The following CYRIA variants were observed in gnomAD, a reference collection of about 807,000 sequenced individuals.
The protein encoded by CYRIA is CYFIP-related Rac1 interactor A.
CYRIA carries 15 observed loss-of-function variants against 43.9 expected under a neutral mutation model. That is an observed-to-expected ratio of 0.34 (90% CI 0.23 to 0.53). The LOEUF (loss-of-function observed/expected upper bound fraction) is 0.53. Ranked by LOEUF, CYRIA falls within the 20% of genes least tolerant of loss-of-function variation. The pLI is 0.94. For missense variants in CYRIA, 236 were observed against 394.2 expected, an observed-to-expected ratio of 0.60 and a Z score of 3.40; for synonymous variants, 117 against 136.0, an observed-to-expected ratio of 0.86 and a Z score of 0.97.
chr2:16,605,306 A>G (rs1430337738), intron 2 of CYRIA, among the ~76,000 whole-genome samples: 1 of 152,238 alleles, frequency 6.6e-6, no homozygotes, highest in Non-Finnish European at 1.5e-5. Flanking sequence ...GCAAAATTAG[A>G]TTCTTTTTTA....
At chr2:16,614,896 T>C (rs1668727936) in intron 2 of CYRIA, among the ~76,000 whole-genome samples, 1 of 152,184 alleles carries the variant, frequency 6.6e-6, no homozygotes, top group South Asian at 2.1e-4. Context: ...TGCAGAGTAG[T>C]GCCTTTAGAT....
In CYRIA at chr2:16,550,959, C is replaced by T. The variant is rs1283601150; in HGVS notation, c.*1977G>A. The T allele has an allele frequency of 6.6e-6, 1 of 152,128 alleles. No individual in the cohort carries two copies. Among genetic ancestry groups the T allele is most frequent in the African/African-American group, 2.4e-5 (1 of 41,442 alleles). The allele number at this position is 152,128 out of a possible 1,614,324, so 9.4% of individuals were successfully genotyped here. ...CCTAACTTTCCTCACCTGGTATGATCACATATTCTGGCTTCCTCTAAGGTT... is the reference window on the plus strand; with the variant it reads ...CCTAACTTTCCTCACCTGGTATGATTACATATTCTGGCTTCCTCTAAGGTT... On this transcript the variant is annotated 3_prime_UTR_variant, in exon 12 of 12. Coordinates refer to ENST00000381323, the MANE Select transcript of CYRIA (RefSeq NM_030797.4).
At chr2:16,592,743 G>A (rs954200069) in intron 2 of CYRIA, among the ~76,000 whole-genome samples, 2 of 151,854 alleles carry the variant, frequency 1.3e-5, no homozygotes, top group African/African-American at 4.8e-5. Flanking sequence ...AGAAAACAGA[G>A]GTTTCTCTTT....
chr2:16,587,139 GTT>G (rs1449244360), intron 3 of CYRIA, among the ~76,000 whole-genome samples: 1 of 152,026 alleles, frequency 6.6e-6, no homozygotes, highest in Non-Finnish European at 1.5e-5. Flanking sequence ...TCCTGAAGTG[GTT>G]TGTATAATCA....
chr2:16,627,234 C>G (rs556383786), intron 1 of CYRIA, among the ~76,000 whole-genome samples: 1 of 151,878 alleles, frequency 6.6e-6, no homozygotes, highest in Non-Finnish European at 1.5e-5. Flanking sequence ...TACGGGAGGC[C>G]GAAAGGGCCC....
At chr2:16,568,861 C>G (rs1416335554) in intron 3 of CYRIA, among the ~76,000 whole-genome samples, 1 of 152,096 alleles carries the variant, frequency 6.6e-6, no homozygotes, top group East Asian at 1.9e-4. Context: ...TAGCAAATCA[C>G]CGCTTGATAA....
intron 2 of CYRIA, among the ~76,000 whole-genome samples, chr2:16,612,547 T>C (rs542379434): frequency 6.6e-6 from 1 of 152,232 alleles, no homozygotes; most frequent in South Asian, 2.1e-4. Flanking sequence ...GATGCACAAA[T>C]TAACTTCTAA....
At chr2:16,618,209 G>A (rs1463951429) in intron 2 of CYRIA, among the ~76,000 whole-genome samples, 2 of 152,190 alleles carry the variant, frequency 1.3e-5, no homozygotes, top group African/African-American at 4.8e-5. Context: ...CTCAGTGCAG[G>A]AGCAGGGGCA....
intron 2 of CYRIA, among the ~76,000 whole-genome samples, chr2:16,588,390 C>T (rs13386393): frequency 8.6e-5 from 13 of 150,714 alleles, no homozygotes; most frequent in African/African-American, 2.2e-4. Context: ...CAATCTCTCT[C>T]GAGAGAATAC....
At chr2:16,665,089 G>A (rs1670355045) in intron 1 of CYRIA, among the ~76,000 whole-genome samples, 1 of 152,228 alleles carries the variant, frequency 6.6e-6, no homozygotes. Flanking sequence ...TTTTGACAGA[G>A]AATGTCTCCT....
chr2:16,660,461 C>T (rs1158805330), intron 1 of CYRIA, among the ~76,000 whole-genome samples: 6 of 152,172 alleles, frequency 3.9e-5, no homozygotes, highest in Non-Finnish European at 7.3e-5. Flanking sequence ...CTTCCCTCTT[C>T]CCTCAGCACA....
chr2:16,571,691 A>G (rs934574326), intron 3 of CYRIA, among the ~76,000 whole-genome samples: 1 of 152,220 alleles, frequency 6.6e-6, no homozygotes, highest in Non-Finnish European at 1.5e-5. Context: ...ATATATAGCT[A>G]TCTCTGTGCC....
rs1668791670 is a variant in CYRIA at position 16,616,373 on chromosome 2, C to T, written c.-11+7491G>A. Among the ~76,000 whole-genome samples, 3 of 152,208 alleles carry T rather than the reference C, an allele frequency of 2.0e-5. No homozygotes were observed. The South Asian group carries it at 6.2e-4, about 32-fold the overall frequency. On this transcript the variant is annotated intron_variant, in intron 2 of 11. Coordinates refer to ENST00000381323, the MANE Select transcript of CYRIA (RefSeq NM_030797.4). Reference sequence around the variant, plus strand: ...GGCTGGTTTCCCACTATCCCATTCACAATGACATCCTTCCCTACGTCACCC... The same window carrying T: ...GGCTGGTTTCCCACTATCCCATTCATAATGACATCCTTCCCTACGTCACCC...
intron 3 of CYRIA, among the ~76,000 whole-genome samples, chr2:16,571,388 G>C (rs1450110296): frequency 6.6e-6 from 1 of 152,174 alleles, no homozygotes; most frequent in African/African-American, 2.4e-5. Flanking sequence ...AGGTGGCTAT[G>C]TGCTTTGTTT....
In CYRIA at chr2:16,552,358, C is replaced by T. The variant is rs1436744990; in HGVS notation, c.*578G>A. ...GGAGAACATTAGAGGGATATAAATC[C>T]AAACAGAAAAGGAGTATGCTGATTA... On this transcript the variant is annotated 3_prime_UTR_variant, in exon 12 of 12. Transcript: ENST00000381323. The T allele has an allele frequency of 6.6e-6, 1 of 151,862 alleles. No homozygotes were observed. Among genetic ancestry groups the T allele is most frequent in the African/African-American group, 2.4e-5 (1 of 41,298 alleles). 9.4% of individuals were successfully genotyped at this position (151,862 alleles called of 1,614,324 possible). A position where few individuals can be genotyped will look rare whatever the true frequency, so the allele number is the denominator to read the frequency against.
intron 11 of CYRIA, 24 bp from the exon 12 acceptor site, chr2:16,553,023 G>A (rs1316303610): frequency 1.3e-6 from 2 of 1,491,246 alleles, no homozygotes; most frequent in South Asian, 1.1e-5. Flanking sequence ...GAATGGTAGA[G>A]GTTAGCGGCA....
chr2:16,565,617 T>C (rs1666900348), intron 4 of CYRIA, 29 bp downstream of exon 4: 2 of 1,520,902 alleles, frequency 1.3e-6, no homozygotes, highest in Non-Finnish European at 1.8e-6. Flanking sequence ...TCCTCGGGTG[T>C]TGTCAGTTCA....
Position 16,584,845 on chromosome 2 carries a change from C to A in CYRIA, c.70+3205G>T, listed in dbSNP as rs547336972. ...TCTTTAAGGCCCATTCCAAATGCCA[C>A]CTCTTGCAAGAAGACTTCTCCAATT... On this transcript the variant is annotated intron_variant, in intron 3 of 11. Coordinates refer to ENST00000381323, the MANE Select transcript of CYRIA (RefSeq NM_030797.4). 7.6e-4 allele frequency among the ~76,000 whole-genome samples: 115 copies of A among 152,296 alleles called. 4 individuals carry two copies. In the South Asian group the frequency reaches 0.022, roughly 30 times the overall value.
At chr2:16,602,678 C>T (rs1046154862) in intron 2 of CYRIA, among the ~76,000 whole-genome samples, 8 of 152,002 alleles carry the variant, frequency 5.3e-5, no homozygotes, top group African/African-American at 1.2e-4. Flanking sequence ...CTTTTTAAAG[C>T]TCTCATTTTA....
Sources: allele counts gnomAD v4.1 joint callset (sites outside exome capture counted in the v4.1 genomes callset), GRCh38; gene constraint gnomAD v4.1.1; transcripts MANE v1.5; gene names NCBI Gene and HGNC (gene_info 2026-07-23, HGNC 2026-07-21).